The following CD226 variants were observed in gnomAD, a reference collection of about 807,000 sequenced individuals.
The protein encoded by CD226 is CD226 antigen.
Under a neutral mutation model 34.9 loss-of-function variants are expected in CD226, and 24 were observed. The ratio of observed to expected loss-of-function variants is 0.69; its 90% CI spans 0.50 to 0.97. The LOEUF (loss-of-function observed/expected upper bound fraction) is 0.97. CD226 is among the 50% of genes least tolerant of loss of function. The probability of loss-of-function intolerance (pLI) is 0.00; values close to 1 mark genes in which losing one functional copy is unlikely to be tolerated. For missense variants in CD226, 397 were observed against 412.7 expected (o/e 0.96, Z 0.33); for synonymous variants, 148 against 147.4 (o/e 1.00, Z -0.03).
At chr18:69,907,888 G>A (rs991615977) in intron 2 of CD226, among the ~76,000 whole-genome samples, 2 of 152,058 alleles carry the variant, frequency 1.3e-5, no homozygotes, top group Non-Finnish European at 2.9e-5. Flanking sequence ...GTATTTGAGA[G>A]GATGGATACA....
chr18:69,934,042 A>G (rs906190512), intron 2 of CD226, among the ~76,000 whole-genome samples: 1 of 152,200 alleles, frequency 6.6e-6, no homozygotes, highest in Non-Finnish European at 1.5e-5. Flanking sequence ...GTCAGGAGTT[A>G]ATGGGACTTT....
At chr18:69,908,131 A>T (rs1162199181) in intron 2 of CD226, among the ~76,000 whole-genome samples, 1 of 152,174 alleles carries the variant, frequency 6.6e-6, no homozygotes, top group African/African-American at 2.4e-5. Context: ...ACTGAATCCT[A>T]CGGCTCTCTC....
At chr18:69,947,127 T>C (rs2055803919) in intron 1 of CD226, 58 bp from the exon 2 acceptor site, 1 of 1,408,340 alleles carries the variant, frequency 7.1e-7, no homozygotes, top group South Asian at 1.3e-5. Context: ...ACCAAATCAA[T>C]ATCTTAAGCT....
chr18:69,942,383 T>C (rs1005470891), intron 2 of CD226, among the ~76,000 whole-genome samples: 1 of 152,170 alleles, frequency 6.6e-6, no homozygotes, highest in Non-Finnish European at 1.5e-5. Context: ...AAACTCTTAC[T>C]CTCCTAAAAG....
At chr18:69,876,233 T>G (rs1016704603) in intron 3 of CD226, among the ~76,000 whole-genome samples, 1 of 152,184 alleles carries the variant, frequency 6.6e-6, no homozygotes, top group Non-Finnish European at 1.5e-5. Flanking sequence ...AAAAGAATAT[T>G]TTATCAAATC....
chr18:69,907,261 C>T (rs1016797564), intron 2 of CD226, among the ~76,000 whole-genome samples: 3 of 152,194 alleles, frequency 2.0e-5, no homozygotes, highest in Non-Finnish European at 4.4e-5. Context: ...CTAAATTGTA[C>T]TTGGAGCCTA....
upstream of CD226, among the ~76,000 whole-genome samples, chr18:69,959,560 C>A (rs1354687982): frequency 2.6e-5 from 4 of 152,184 alleles, no homozygotes; most frequent in Non-Finnish European, 4.4e-5. Flanking sequence ...AGCATTTGCT[C>A]TGCCTTTCCT....
chr18:69,935,194 T>C (rs2055637514), intron 2 of CD226, among the ~76,000 whole-genome samples: 1 of 152,244 alleles, frequency 6.6e-6, no homozygotes, highest in Admixed American at 6.5e-5. Context: ...TGTTTGCTTT[T>C]GAATATCTCA....
intron 1 of CD226, 57 bp downstream of exon 1, chr18:69,947,304 T>C (rs1248023150): frequency 2.4e-5 from 28 of 1,173,934 alleles, no homozygotes; most frequent in Non-Finnish European, 3.3e-5. Context: ...TATGCCACAC[T>C]GTACAAACAA....
chr18:69,937,070 G>C (rs549505767), intron 2 of CD226, among the ~76,000 whole-genome samples: 5 of 152,322 alleles, frequency 3.3e-5, no homozygotes, highest in African/African-American at 9.6e-5. Context: ...AAGCCGAAAT[G>C]AAAGTGTGCA....
rs1366982541 is a variant in CD226, at chr18:69,944,196, C to A, written c.382+2538G>T. Reference sequence around the variant, plus strand: ...AACTCTCAAAATAGGGTAGAATGCCCTCACTAGCCCATTGCATCAATCTGC... The same window carrying A: ...AACTCTCAAAATAGGGTAGAATGCCATCACTAGCCCATTGCATCAATCTGC... On this transcript the variant is annotated intron_variant, in intron 2 of 5. Transcript: ENST00000582621. 2.0e-5 allele frequency among the ~76,000 whole-genome samples: 3 copies of A among 152,188 alleles called. No individual in the cohort carries two copies. In the East Asian group the frequency reaches 5.8e-4, roughly 29 times the overall value.
chr18:69,902,539 A>G (rs936033728), intron 2 of CD226, among the ~76,000 whole-genome samples: 1 of 149,184 alleles, frequency 6.7e-6, no homozygotes, highest in Non-Finnish European at 1.5e-5. Flanking sequence ...TATCTCCTTC[A>G]TGCTTTCTCT....
At chr18:69,914,958 A>G (rs541881653) in intron 2 of CD226, among the ~76,000 whole-genome samples, 17 of 152,322 alleles carry the variant, frequency 1.1e-4, no homozygotes, top group Non-Finnish European at 1.9e-4. Context: ...TTTACTTTGA[A>G]GTATTAGAGC....
intron 2 of CD226, among the ~76,000 whole-genome samples, chr18:69,918,632 A>AG (rs2055414593): frequency 6.6e-6 from 1 of 152,220 alleles, no homozygotes; most frequent in South Asian, 2.1e-4. Context: ...CGGTCCTCAC[A>AG]GGGCTTAGGA....
rs1451309162 is a variant in CD226 at position 69,864,145 on chromosome 18, C to T, written c.*169G>A. 2 of 600,202 alleles carry T rather than the reference C, an allele frequency of 3.3e-6. No individual in the cohort carries two copies. Among genetic ancestry groups the T allele is most frequent in the African/African-American group, 1.9e-5 (1 of 53,552 alleles). 37.2% of individuals were successfully genotyped at this position (600,202 alleles called of 1,614,324 possible). A position where few individuals can be genotyped will look rare whatever the true frequency, so the allele number is the denominator to read the frequency against. ...CCAGTTAGAGTCAGGTTTTCTGAAA[C>T]AGTTCTATGAAAAATGATTTTAGGT... On this transcript the variant is annotated 3_prime_UTR_variant, in exon 6 of 6. Coordinates refer to ENST00000582621, the MANE Select transcript of CD226 (RefSeq NM_001303618.2).
chr18:69,946,266 GAGAA>G lies in CD226; in HGVS notation c.382+464_382+467del, dbSNP rs144209788. ...GAAAGAAAAGAAAGAAAGAGAGAGA[GAGAA>G]AGAAAGAAAGAGAAAAAGAAAGAAA... On this transcript the variant is annotated intron_variant, in intron 2 of 5. Coordinates refer to ENST00000582621, the MANE Select transcript of CD226 (RefSeq NM_001303618.2). Among the ~76,000 whole-genome samples, 1,042 of 148,380 alleles carry G rather than the reference GAGAA, an allele frequency of 7.0e-3. 7 individuals are homozygous for G. The highest frequency in any genetic ancestry group is 0.016 in the South Asian group (74 of 4,622).
At chr18:69,875,037 A>G (rs1003045775) in intron 3 of CD226, among the ~76,000 whole-genome samples, 1 of 152,366 alleles carries the variant, frequency 6.6e-6, no homozygotes, top group Middle Eastern at 3.4e-3. Flanking sequence ...GATGCAATAC[A>G]TACACGGTGC....
chr18:69,864,829 T>C (rs1459020483), intron 5 of CD226, among the ~76,000 whole-genome samples: 1 of 152,230 alleles, frequency 6.6e-6, no homozygotes, highest in African/African-American at 2.4e-5. Flanking sequence ...CAAGATGATA[T>C]TGTATAATCA....
chr18:69,853,567 ATGAG>A lies in CD226; in HGVS notation c.*10743_*10746del, dbSNP rs1480621221. 1 of 152,228 alleles carries A rather than the reference ATGAG, an allele frequency of 6.6e-6. No homozygotes were observed. The highest frequency in any genetic ancestry group is 1.5e-5 in the Non-Finnish European group (1 of 68,038). The allele number at this position is 152,228 out of a possible 1,614,324, so 9.4% of individuals were successfully genotyped here. A position where few individuals can be genotyped will look rare whatever the true frequency, so the allele number is the denominator to read the frequency against. ...AATGAATTAATATTGAACACATATG[ATGAG>A]TGAAACACCACCATGTGACTCATAT... On this transcript the variant is annotated 3_prime_UTR_variant, in exon 6 of 6. Transcript: ENST00000582621.
Sources: gnomAD v4.1 joint callset for allele counts (sites outside exome capture counted in the v4.1 genomes callset) on GRCh38, gnomAD v4.1.1 for gene constraint, MANE v1.5 for transcripts, NCBI Gene and HGNC (gene_info 2026-07-23, HGNC 2026-07-21) for gene names.